The following GLYR1 variants were observed in gnomAD, a reference collection of about 807,000 sequenced individuals.
GLYR1 encodes the protein glyoxylate reductase 1 homolog.
GLYR1 carries 21 observed loss-of-function variants against 72.7 expected under a neutral mutation model. The observed-to-expected ratio is 0.29, with a 90% confidence interval of 0.20 to 0.42. The LOEUF (loss-of-function observed/expected upper bound fraction) is 0.42. Among genes scored for constraint, GLYR1 ranks in the 10% least tolerant of loss-of-function variants. The pLI is 1.00. For synonymous variants in GLYR1, 392 were observed against 270.2 expected, an observed-to-expected ratio of 1.45 and a Z score of -4.42; for missense variants, 594 against 712.1, an observed-to-expected ratio of 0.83 and a Z score of 1.89.
At chr16:4,817,253 G>C (rs1250667292) in intron 10 of GLYR1, among the ~76,000 whole-genome samples, 2 of 151,676 alleles carry the variant, frequency 1.3e-5, no homozygotes, top group African/African-American at 4.8e-5. Context: ...TGGAGCAGCT[G>C]GGACTACAGG....
In GLYR1 at chr16:4,823,901, T is replaced by A; in HGVS notation, c.544A>T (p.Thr182Ser). Residue 182 changes from threonine to serine, a missense_variant, in exon 6 of 16, where the codon ACC becomes TCC. Transcript: ENST00000321919. ...TTCACGGTACTAGACTCCGGGATGGTGAGATCCTATAGAGGGAGGGGCAGG... is the reference window on the plus strand; with the variant it reads ...TTCACGGTACTAGACTCCGGGATGGAGAGATCCTATAGAGGGAGGGGCAGG... ...GRPPKDEKDL[T>S]IPESSTVKGM... The A allele has an allele frequency of 1.2e-6, 2 of 1,613,384 alleles. No homozygotes were observed.
In GLYR1 at chr16:4,803,290, C is replaced by A. The variant is rs1032490407; in HGVS notation, c.*1946G>T. The stretch of plus-strand genomic sequence containing the variant: ...TTTGTTTTTGCCATTTAAACATTAT[C>A]ACACAATCCTATTCTGAAAGACAAA... On this transcript the variant is annotated 3_prime_UTR_variant, in exon 16 of 16. Transcript: ENST00000321919. 6.6e-6 allele frequency: 1 copy of A among 152,670 alleles called. No individual in the cohort carries two copies. Among genetic ancestry groups the A allele is most frequent in the African/African-American group, 2.4e-5 (1 of 41,454 alleles). The allele number at this position is 152,670 out of a possible 1,614,324, so 9.5% of individuals were successfully genotyped here.
chr16:4,824,833 G>C (rs1303133709), intron 5 of GLYR1, among the ~76,000 whole-genome samples: 2 of 152,070 alleles, frequency 1.3e-5, no homozygotes, highest in Admixed American at 1.3e-4. Flanking sequence ...CCTTTCCCCA[G>C]TCACTCCCTT....
chr16:4,838,596 T>A (rs1329756365), intron 3 of GLYR1, among the ~76,000 whole-genome samples: 1 of 152,072 alleles, frequency 6.6e-6, no homozygotes, highest in Non-Finnish European at 1.5e-5. Flanking sequence ...CTTTTCTTTT[T>A]TTTTTTTTGA....
rs139611586 is a variant in GLYR1, at chr16:4,827,624, G to A, written c.538-3717C>T. On this transcript the variant is annotated intron_variant, in intron 5 of 15. Coordinates refer to ENST00000321919, the MANE Select transcript of GLYR1 (RefSeq NM_032569.4). ...ACAAACAAACAAAAAAAACGGGCCAGGCACGGTGGCTCACGCCTGTCATCC... is the reference window on the plus strand; with the variant it reads ...ACAAACAAACAAAAAAAACGGGCCAAGCACGGTGGCTCACGCCTGTCATCC... Among the ~76,000 whole-genome samples, 898 of 152,220 alleles carry A rather than the reference G, an allele frequency of 5.9e-3. 12 individuals are homozygous for A. The highest frequency in any genetic ancestry group is 0.02 in the African/African-American group (838 of 41,512).
intron 11 of GLYR1, 68 bp from the exon 12 acceptor site, chr16:4,813,906 T>C: frequency 1.6e-6 from 2 of 1,216,066 alleles, no homozygotes; most frequent in Non-Finnish European, 2.3e-6. Context: ...CCTACAGACC[T>C]CAGATCAGAA....
At chr16:4,816,392 C>T (rs1567684685) in intron 10 of GLYR1, among the ~76,000 whole-genome samples, 1 of 152,258 alleles carries the variant, frequency 6.6e-6, no homozygotes, top group African/African-American at 2.4e-5. Flanking sequence ...ATCCTCTTCC[C>T]TCAGCCTCCC....
intron 9 of GLYR1, among the ~76,000 whole-genome samples, chr16:4,819,519 T>C (rs553015486): frequency 6.6e-6 from 1 of 152,236 alleles, no homozygotes; most frequent in Non-Finnish European, 1.5e-5. Context: ...CTGTATTTCC[T>C]AGGCTGGTCA....
intron 1 of GLYR1, 129 bp downstream of exon 1, chr16:4,847,099 G>C: frequency 1.1e-6 from 1 of 874,238 alleles, no homozygotes; most frequent in South Asian, 1.5e-5. Context: ...GCAAGCGCCG[G>C]CACCTTCTCT....
At chr16:4,807,107 CTT>C (rs765039360) in intron 15 of GLYR1, among the ~76,000 whole-genome samples, 2,376 of 110,812 alleles carry the variant, frequency 0.021, 32 homozygotes, top group African/African-American at 0.045. Flanking sequence ...CGCCTGGCCC[CTT>C]TTTTTTTTTT....
intron 15 of GLYR1, among the ~76,000 whole-genome samples, chr16:4,806,877 C>G (rs1350411118): frequency 6.6e-6 from 1 of 150,518 alleles, no homozygotes; most frequent in East Asian, 1.9e-4. Context: ...TCTCGGCTCA[C>G]TGCCAGCTCT....
At chr16:4,827,768 C>T (rs906939939) in intron 5 of GLYR1, among the ~76,000 whole-genome samples, 12 of 151,846 alleles carry the variant, frequency 7.9e-5, no homozygotes, top group South Asian at 2.1e-4. Context: ...GGCGTGGTGG[C>T]GGGCACCTGT....
chr16:4,814,673 G>T, intron 10 of GLYR1, 26 bp from the exon 11 acceptor site: 1 of 1,545,822 alleles, frequency 6.5e-7, no homozygotes. Context: ...ATCCTAACGT[G>T]AGCTGCAGGC....
intron 5 of GLYR1, among the ~76,000 whole-genome samples, chr16:4,826,342 G>C (rs752794152): frequency 6.6e-6 from 1 of 152,168 alleles, no homozygotes; most frequent in African/African-American, 2.4e-5. Context: ...CTGGCCTCAA[G>C]TGGTCCTCCT....
intron 10 of GLYR1, 94 bp from the exon 11 acceptor site, chr16:4,814,741 C>A: frequency 5.0e-6 from 5 of 1,007,144 alleles, no homozygotes; most frequent in Non-Finnish European, 7.6e-6. Flanking sequence ...CTCCTGGCGG[C>A]CTACCAAGGC....
rs533332243 is a variant in GLYR1 at position 4,812,228 on chromosome 16, C to A, written c.1140G>T (p.Gly380=). The A allele has an allele frequency of 1.9e-6, 3 of 1,606,682 alleles. No homozygotes were observed. The highest frequency in any genetic ancestry group is 1.7e-5 in the Admixed American group (1 of 59,322). The stretch of plus-strand genomic sequence containing the variant: ...CTGAGACGGGGGCTTCCAGAAAGCG[C>A]CCCCCCCTGGACACAATCACCTGGA... ...ELAQVIVSRG[G]RFLEAPVSGN... is the part of the protein sequence containing the mutation. Residue 380 remains glycine (G), a synonymous_variant, in exon 13 of 16, where the codon GGG becomes GGT. Coordinates refer to ENST00000321919, the MANE Select transcript of GLYR1 (RefSeq NM_032569.4).
At chr16:4,822,769 T>C in intron 7 of GLYR1, 106 bp downstream of exon 7, 1 of 920,530 alleles carries the variant, frequency 1.1e-6, no homozygotes, top group Non-Finnish European at 1.8e-6. Context: ...CTCTGGGCAA[T>C]ACACCGGCAG....
chr16:4,846,296 A>C (rs2086051758), intron 1 of GLYR1, 86 bp from the exon 2 acceptor site: 1 of 1,448,242 alleles, frequency 6.9e-7, no homozygotes, highest in Admixed American at 1.7e-5. Context: ...TTATTTTCCT[A>C]AATCTCTGCT....
intron 5 of GLYR1, among the ~76,000 whole-genome samples, chr16:4,824,710 G>A (rs1287833238): frequency 6.6e-6 from 1 of 152,098 alleles, no homozygotes; most frequent in Non-Finnish European, 1.5e-5. Flanking sequence ...GGTGAGATGA[G>A]AAGCTCCTCT....
Sources: gnomAD v4.1 joint callset for allele counts (sites outside exome capture counted in the v4.1 genomes callset) on GRCh38, gnomAD v4.1.1 for gene constraint, MANE v1.5 for transcripts, NCBI Gene and HGNC (gene_info 2026-07-23, HGNC 2026-07-21) for gene names.